The following IDUA variants were observed in gnomAD, a reference collection of about 807,000 sequenced individuals.
IDUA encodes alpha-L-iduronidase, also known as iduronidase alpha-L-.
IDUA carries 65 observed loss-of-function variants against 68.9 expected under a neutral mutation model. The ratio of observed to expected loss-of-function variants is 0.94; its 90% CI spans 0.77 to 1.16. The LOEUF (loss-of-function observed/expected upper bound fraction) is 1.16, where lower values mean the gene tolerates loss of function less well. Ranked by LOEUF, IDUA falls within the 50% of genes most tolerant of loss-of-function variation. The pLI, the probability that IDUA is intolerant of heterozygous loss-of-function variation, is 0.00. For missense variants in IDUA, 1,046 were observed against 938.0 expected (o/e 1.12, Z -1.50); for synonymous variants, 529 against 433.6 (o/e 1.22, Z -2.73).
intron 2 of IDUA, among the ~76,000 whole-genome samples, chr4:999,092 C>T (rs1399816862): frequency 3.9e-5 from 6 of 152,068 alleles, no homozygotes; most frequent in Non-Finnish European, 1.5e-5. Context: ...GTAGTCCCAG[C>T]TACTCAGGAG....
At chr4:997,785 G>C (rs1031993931) in intron 2 of IDUA, among the ~76,000 whole-genome samples, 6 of 152,058 alleles carry the variant, frequency 3.9e-5, no homozygotes, top group African/African-American at 1.4e-4. Flanking sequence ...GACTGACCCC[G>C]GGGTTCCTGG....
chr4:988,569 G>A, intron 2 of IDUA: 2 of 1,325,368 alleles, frequency 1.5e-6, no homozygotes, highest in Admixed American at 3.7e-5. Context: ...CCTGAGCTGA[G>A]GGACGGTGCA....
chr4:991,277 G>A (rs1219815765), intron 2 of IDUA: 2 of 1,612,716 alleles, frequency 1.2e-6, no homozygotes. Flanking sequence ...AAGCCGGCCA[G>A]CTGGAGCTCC....
chr4:988,311 C>T (rs1478546689), intron 2 of IDUA: 20 of 1,106,694 alleles, frequency 1.8e-5, no homozygotes, highest in African/African-American at 1.3e-4. Context: ...TGGGCCCTGA[C>T]GCTGGTGCAG....
At chr4:997,238 C>T (rs1714790975) in intron 2 of IDUA, among the ~76,000 whole-genome samples, 1 of 152,040 alleles carries the variant, frequency 6.6e-6, no homozygotes, top group Admixed American at 6.5e-5. Context: ...ACCTGTGTCC[C>T]CTTCGTCCCG....
At chr4:991,386 G>C in intron 2 of IDUA, 1 of 1,612,868 alleles carries the variant, frequency 6.2e-7, no homozygotes, top group Non-Finnish European at 8.5e-7. Context: ...GGTTGGCGAA[G>C]AAGGACGTAT....
Position 1,002,871 on chromosome 4 carries a change from C to T in IDUA, c.1329C>T (p.Ser443=), listed in dbSNP as rs1309447464. 4 of 1,442,356 alleles carry T rather than the reference C, an allele frequency of 2.8e-6. No individual in the cohort carries two copies. Among genetic ancestry groups the T allele is most frequent in the Admixed American group, 2.7e-5 (1 of 36,538 alleles). 89.3% of individuals were successfully genotyped at this position (1,442,356 alleles called of 1,614,324 possible). A position where few individuals can be genotyped will look rare whatever the true frequency, so the allele number is the denominator to read the frequency against. ...GCGCCGCGGTGCTGATCTACGCGAG[C>T]GACGACACCCGCGCCCACCCCAACC... The part of the protein sequence containing the change: ...AWRAAVLIYA[S]DDTRAHPNRS... The change falls in exon 9 of 14, where the codon AGC becomes AGT. Residue 443 remains serine, a synonymous_variant. Transcript: ENST00000514224.
Position 1,003,205 on chromosome 4 carries a change from G to A in IDUA, c.1524+48G>A, listed in dbSNP as rs765836214. The A allele has an allele frequency of 1.6e-4, 208 of 1,283,636 alleles. 2 individuals are homozygous for A. The highest frequency in any genetic ancestry group is 9.0e-5 in the South Asian group (4 of 44,596). The allele number at this position is 1,283,636 out of a possible 1,614,324, so 79.5% of individuals were successfully genotyped here. ...AGGGGCCGGGCCGGGCCGGGGTCCC[G>A]GGGGGGTGGGGTCCGGGGCGGGGGC... On this transcript the variant is annotated intron_variant, in intron 10 of 13. Coordinates refer to ENST00000514224, the MANE Select transcript of IDUA (RefSeq NM_000203.5).
intron 2 of IDUA, chr4:991,333 C>T (rs1225307557): frequency 1.2e-6 from 2 of 1,612,868 alleles, no homozygotes; most frequent in Non-Finnish European, 1.7e-6. Context: ...GCTGAAGATG[C>T]CCACGGAGAC....
intron 8 of IDUA, 67 bp from the exon 9 acceptor site, chr4:1,002,665 C>T: frequency 7.9e-7 from 1 of 1,265,642 alleles, no homozygotes; most frequent in Non-Finnish European, 1.1e-6. Context: ...GGTGGGAGGC[C>T]CGGCCCTGGG....
rs1018687587 is a variant in IDUA, at chr4:1,003,388, G to T, written c.1568G>T (p.Arg523Leu). ...CCCCGCCCCTTACCCGCCGGCGGCC[G>T]CCTGACCCTGCGCCCCGCGCTGCGG... The part of the protein sequence containing the change: ...AAPRPLPAGG[R>L]LTLRPALRLP... The change falls in exon 11 of 14, where the codon CGC becomes CTC. Residue 523 changes from arginine to leucine, a missense_variant. Arg to Leu is a moderately radical substitution (Grantham distance 102, BLOSUM62 -2). Transcript: ENST00000514224. 2.0e-6 allele frequency: 3 copies of T among 1,505,156 alleles called. No individual in the cohort carries two copies. The highest frequency in any genetic ancestry group is 4.2e-5 in the Admixed American group (2 of 47,328). 93.2% of individuals were successfully genotyped at this position (1,505,156 alleles called of 1,614,324 possible).
At chr4:991,930 T>G in intron 2 of IDUA, 1 of 965,052 alleles carries the variant, frequency 1.0e-6, no homozygotes, top group Non-Finnish European at 1.6e-6. Flanking sequence ...GGATCCAGAA[T>G]CCATCGTGAG....
Position 1,004,231 on chromosome 4 carries a change from G to T in IDUA, c.1829-29G>T. ...GGGCTTTCGGGTGGGGGCAGGTTCC[G>T]GTTGGCACACATGTCCCCTTGTCTC... On this transcript the variant is annotated intron_variant, in intron 13 of 13. Transcript: ENST00000514224. This position sits in a 1 kb window ranked among gnomAD's most constrained non-coding sequence, Gnocchi z 5.0. The T allele has an allele frequency of 6.2e-7, 1 of 1,609,602 alleles. No homozygotes were observed. Among genetic ancestry groups the T allele is most frequent in the South Asian group, 1.1e-5 (1 of 91,080 alleles).
rs772161833 is a variant in IDUA, at chr4:989,842, C to G, written c.299+1893C>G. 2.5e-6 allele frequency: 4 copies of G among 1,578,890 alleles called. No individual in the cohort carries two copies. In the South Asian group the frequency reaches 4.6e-5, roughly 18 times the overall value. On this transcript the variant is annotated intron_variant, in intron 2 of 13. Coordinates refer to ENST00000514224, the MANE Select transcript of IDUA (RefSeq NM_000203.5). ...GTTGGCACGCACAGAGTAGCCGTGA[C>G]TGCGGGCGAACATCTCCGCCAGCGA...
In IDUA at chr4:1,004,272, T is replaced by A. The variant is rs1318639778; in HGVS notation, c.1841T>A (p.Val614Asp). 6.2e-7 allele frequency: 1 copy of A among 1,610,080 alleles called. No homozygotes were observed. The highest frequency in any genetic ancestry group is 1.3e-5 in the African/African-American group (1 of 74,830). Reference protein sequence around the residue: ...LFVFSPDTGAVSGSYRVRALD... With the variant: ...LFVFSPDTGADSGSYRVRALD... ...CCCTTGTCTCCAGACACAGGTGCTG[T>A]CTCTGGCTCCTACCGAGTTCGAGCC... Residue 614 changes from valine to aspartate, a missense_variant, in exon 14 of 14, where the codon GTC becomes GAC. Coordinates refer to ENST00000514224, the MANE Select transcript of IDUA (RefSeq NM_000203.5). The surrounding 1 kb of genome is among the most constrained non-coding windows in gnomAD (Gnocchi z 5.0).
In IDUA at chr4:987,990, C is replaced by G. The variant is rs1353918621; in HGVS notation, c.299+41C>G. 5.9e-6 allele frequency: 9 copies of G among 1,537,468 alleles called. No homozygotes were observed. The East Asian group carries it at 1.5e-4, about 25-fold the overall frequency. On this transcript the variant is annotated intron_variant, in intron 2 of 13. Transcript: ENST00000514224. ...GGTCTGGGCGTCCCAGAGCCCCTTACAGAGGCACAGATGGGAGGGGAGGGC... is the reference window on the plus strand; with the variant it reads ...GGTCTGGGCGTCCCAGAGCCCCTTAGAGAGGCACAGATGGGAGGGGAGGGC...
chr4:1,001,643 C>CA, intron 5 of IDUA, 36 bp from the exon 6 acceptor site: 1 of 1,606,280 alleles, frequency 6.2e-7, no homozygotes, highest in Non-Finnish European at 8.5e-7. Context: ...CGCTCATCCC[C>CA]AGGGCAGGTG....
chr4:1,001,251 C>G, intron 4 of IDUA: 2 of 426,918 alleles, frequency 4.7e-6, no homozygotes, highest in South Asian at 5.5e-5. Flanking sequence ...GCAGGCTGCA[C>G]CCCTATCACC....
chr4:987,243 G>A lies in IDUA; in HGVS notation c.158+1G>A, dbSNP rs1264013707. ...GCTTCTGGAGGAGCACAGGCTTCTG[G>A]TGAGCGCTCCGCGGCCTCCGGGACC... is the stretch of plus-strand genomic sequence containing the variant. On this transcript the variant is annotated splice_donor_variant, in intron 1 of 13. Coordinates refer to ENST00000514224, the MANE Select transcript of IDUA (RefSeq NM_000203.5). LOFTEE classifies it high-confidence loss of function. The A allele has an allele frequency of 3.3e-6, 5 of 1,514,302 alleles. No individual in the cohort carries two copies. Among genetic ancestry groups the A allele is most frequent in the Non-Finnish European group, 3.5e-6 (4 of 1,138,494 alleles). The allele number at this position is 1,514,302 out of a possible 1,614,324, so 93.8% of individuals were successfully genotyped here.
Sources: gnomAD v4.1 joint callset for allele counts (sites outside exome capture counted in the v4.1 genomes callset) on GRCh38, gnomAD v4.1.1 for gene constraint, Gnocchi (gnomAD v3.1) non-coding constraint, MANE v1.5 for transcripts, NCBI Gene and HGNC (gene_info 2026-07-23, HGNC 2026-07-21) for gene names.